Variants in RUBCNL observed in about 807,000 individuals in gnomAD.
RUBCNL encodes the protein rubicon like autophagy enhancer.
In RUBCNL, 62 loss-of-function variants were observed where a neutral mutation model predicts 69.5. That is an observed-to-expected ratio of 0.89 (90% CI 0.73 to 1.10). The LOEUF (loss-of-function observed/expected upper bound fraction) is 1.10. Ranked by LOEUF, RUBCNL falls within the 50% of genes least tolerant of loss-of-function variation. RUBCNL has a pLI of 0.00. For synonymous variants in RUBCNL, 291 were observed against 303.6 expected, an observed-to-expected ratio of 0.96 and a Z score of 0.43; for missense variants, 768 against 798.1, an observed-to-expected ratio of 0.96 and a Z score of 0.45.
At position 46,359,586 on chromosome 13, in the gene RUBCNL, T is replaced by G. The variant is rs757617902; in HGVS notation, c.1165A>C (p.Asn389His). Residue 389 changes from asparagine to histidine, a missense_variant, in exon 9 of 15, where the codon AAT (asparagine) becomes CAT (histidine). Physicochemically the swap from Asn to His is moderately conservative, Grantham distance 68 (BLOSUM62 1). Transcript: ENST00000429979. ...TTAAATTTAATTTCCTGTACTACAT[T>G]CATACTGGATTCAAAGTCTTTTCGG... is the stretch of plus-strand genomic sequence containing the variant. ...CVRKDFESSM[N>H]VVQEIKFKSR... 1.9e-6 allele frequency: 3 copies of G among 1,592,710 alleles called. No homozygotes were observed. The highest frequency in any genetic ancestry group is 2.7e-5 in the African/African-American group (2 of 74,658).
chr13:46,336,106 G>T lies in RUBCNL; in HGVS notation c.*7279C>A, dbSNP rs2048103598. Among the ~76,000 whole-genome samples, 1 of 152,218 alleles carries T rather than the reference G, an allele frequency of 6.6e-6. No homozygotes were observed. Among genetic ancestry groups the T allele is most frequent in the Non-Finnish European group, 1.5e-5 (1 of 68,048 alleles). On this transcript the variant is annotated 3_prime_UTR_variant, in exon 15 of 15. Coordinates refer to ENST00000429979, the MANE Select transcript of RUBCNL (RefSeq NM_025113.5). Reference sequence around the variant, plus strand: ...AATCACAAATGTCATGATGTTTCCGGGTTCCAAAGCTTCCAGGAGGAAGGT... The same window carrying T: ...AATCACAAATGTCATGATGTTTCCGTGTTCCAAAGCTTCCAGGAGGAAGGT...
At chr13:46,345,367 A>C in intron 13 of RUBCNL, 80 bp downstream of exon 13, 1 of 1,476,740 alleles carries the variant, frequency 6.8e-7, no homozygotes. Flanking sequence ...GGTTTGTGAG[A>C]GTTAAATGAA....
chr13:46,356,673 G>A (rs1289650765), intron 9 of RUBCNL, among the ~76,000 whole-genome samples, 177 bp from the exon 10 acceptor site: 7 of 151,896 alleles, frequency 4.6e-5, no homozygotes, highest in Non-Finnish European at 1.0e-4. Flanking sequence ...GAAATCCCTG[G>A]GTCTTTTAAA....
rs999064068 is a variant in RUBCNL at position 46,336,338 on chromosome 13, G to C, written c.*7047C>G. Among the ~76,000 whole-genome samples, 4 of 152,168 alleles carry C rather than the reference G, an allele frequency of 2.6e-5. No homozygotes were observed. Among genetic ancestry groups the C allele is most frequent in the Non-Finnish European group, 5.9e-5 (4 of 68,040 alleles). On this transcript the variant is annotated 3_prime_UTR_variant, in exon 15 of 15. Coordinates refer to ENST00000429979, the MANE Select transcript of RUBCNL (RefSeq NM_025113.5). ...TTCTCCACTGTGGGCATGGACAGTAGAAATGCAACCATTACTCTTAAAAGT... is the reference window on the plus strand; with the variant it reads ...TTCTCCACTGTGGGCATGGACAGTACAAATGCAACCATTACTCTTAAAAGT...
chr13:46,338,830 G>C lies in RUBCNL; in HGVS notation c.*4555C>G, dbSNP rs2048121241. Among the ~76,000 whole-genome samples, 1 of 152,052 alleles carries C rather than the reference G, an allele frequency of 6.6e-6. No homozygotes were observed. The highest frequency in any genetic ancestry group is 1.5e-5 in the Non-Finnish European group (1 of 68,004). ...CAAGCACTTTGGGAGGCCGAGGCGG[G>C]TAGATCACTTCTGAGACCAGCCTGG... On this transcript the variant is annotated 3_prime_UTR_variant, in exon 15 of 15. Coordinates refer to ENST00000429979, the MANE Select transcript of RUBCNL (RefSeq NM_025113.5).
intron 8 of RUBCNL, among the ~76,000 whole-genome samples, chr13:46,360,635 G>T (rs2048589983): frequency 6.6e-6 from 1 of 152,200 alleles, no homozygotes; most frequent in South Asian, 2.1e-4. Flanking sequence ...TCTGCAGTCA[G>T]CCTTCCTAAG....
At position 46,337,107 on chromosome 13, in the gene RUBCNL, C is replaced by T. The variant is rs559653966; in HGVS notation, c.*6278G>A. Among the ~76,000 whole-genome samples, 123 of 150,910 alleles carry T rather than the reference C, an allele frequency of 8.2e-4. No homozygotes were observed. Among genetic ancestry groups the T allele is most frequent in the Admixed American group, 1.3e-3 (19 of 15,144 alleles). On this transcript the variant is annotated 3_prime_UTR_variant, in exon 15 of 15. Coordinates refer to ENST00000429979, the MANE Select transcript of RUBCNL (RefSeq NM_025113.5). ...ATTAGTGCCCTTGTAAAACAGACCC[C>T]AGGGGGTTCTCTCTCTCTCTCTTTT...
At chr13:46,373,361 T>C (rs1017871828) in intron 2 of RUBCNL, among the ~76,000 whole-genome samples, 1 of 152,238 alleles carries the variant, frequency 6.6e-6, no homozygotes, top group African/African-American at 2.4e-5. Context: ...GGATGATCCA[T>C]AGCACTGAAG....
In RUBCNL at chr13:46,345,748, C is replaced by T. The variant is rs2048233730; in HGVS notation, c.1632-148G>A. The T allele has an allele frequency of 3.9e-5, 30 of 774,540 alleles. No homozygotes were observed. In the South Asian group the frequency reaches 5.7e-4, roughly 15 times the overall value. 48.0% of individuals were successfully genotyped at this position (774,540 alleles called of 1,614,324 possible). A position where few individuals can be genotyped will look rare whatever the true frequency, so the allele number is the denominator to read the frequency against. ...AAATAGCTCCAAGAACAACAGTGAA[C>T]CATGCTCGCCACCATTCTACATGTT... On this transcript the variant is annotated intron_variant, in intron 12 of 14. Coordinates refer to ENST00000429979, the MANE Select transcript of RUBCNL (RefSeq NM_025113.5).
At chr13:46,377,645 A>G (rs967101313) in intron 2 of RUBCNL, among the ~76,000 whole-genome samples, 1 of 152,220 alleles carries the variant, frequency 6.6e-6, no homozygotes, top group Non-Finnish European at 1.5e-5. Flanking sequence ...ACATGGACTG[A>G]CCTAAGTGAA....
In RUBCNL at chr13:46,349,777, A is replaced by G. The variant is rs1354074165; in HGVS notation, c.1569+336T>C. 5.9e-5 allele frequency among the ~76,000 whole-genome samples: 9 copies of G among 151,856 alleles called. 1 individual carries two copies. Among genetic ancestry groups the G allele is most frequent in the Admixed American group, 5.9e-4 (9 of 15,250 alleles). The stretch of plus-strand genomic sequence containing the variant: ...CTGCAACCTCCACCTCCCGGGTTCA[A>G]GCGATTCTCCTGCCTCAGCCTCTCG... On this transcript the variant is annotated intron_variant, in intron 11 of 14. Transcript: ENST00000429979.
chr13:46,355,213 C>T (rs2048458179), intron 10 of RUBCNL, among the ~76,000 whole-genome samples: 1 of 151,862 alleles, frequency 6.6e-6, no homozygotes, highest in South Asian at 2.1e-4. Flanking sequence ...GCAGGTCAGA[C>T]ATACAGGTAC....
intron 12 of RUBCNL, among the ~76,000 whole-genome samples, chr13:46,346,810 C>T (rs896431321): frequency 6.6e-6 from 1 of 152,202 alleles, no homozygotes; most frequent in Non-Finnish European, 1.5e-5. Flanking sequence ...TATAATTCCA[C>T]CAAGTACAAT....
chr13:46,362,719 T>C, intron 6 of RUBCNL, 121 bp from the exon 7 acceptor site: 1 of 655,982 alleles, frequency 1.5e-6, no homozygotes, highest in Non-Finnish European at 2.7e-6. Flanking sequence ...TTATTCAGCA[T>C]CTCCATGCTT....
chr13:46,344,747 A>G lies in RUBCNL; in HGVS notation c.1870T>C (p.Cys624Arg), dbSNP rs2048208261. 1 of 1,602,658 alleles carries G rather than the reference A, an allele frequency of 6.2e-7. No individual in the cohort carries two copies. Among genetic ancestry groups the G allele is most frequent in the Non-Finnish European group, 8.5e-7 (1 of 1,172,034 alleles). The change falls in exon 14 of 15, where the codon TGT becomes CGT. Residue 624 changes from cysteine to arginine, a missense_variant. Coordinates refer to ENST00000429979, the MANE Select transcript of RUBCNL (RefSeq NM_025113.5). ...TTATTAAGTTATTAAATACCTGAAC[A>G]TCTTCTACATGTTGCTGTCTGAAAT... Reference protein sequence around the residue: ...FPFQTATCRRCSACRACFHKQ... With the variant: ...FPFQTATCRRRSACRACFHKQ...
rs2048109777 is a variant in RUBCNL, at chr13:46,337,136, T to C, written c.*6249A>G. Reference sequence around the variant, plus strand: ...GGGTTCTCTCTCTCTCTCTTTTCCTTTTTCTTTTTTTGGGGGCAGGGAGGG... The same window carrying C: ...GGGTTCTCTCTCTCTCTCTTTTCCTCTTTCTTTTTTTGGGGGCAGGGAGGG... On this transcript the variant is annotated 3_prime_UTR_variant, in exon 15 of 15. Coordinates refer to ENST00000429979, the MANE Select transcript of RUBCNL (RefSeq NM_025113.5). Among the ~76,000 whole-genome samples, 1 of 151,308 alleles carries C rather than the reference T, an allele frequency of 6.6e-6. No individual in the cohort carries two copies. Among genetic ancestry groups the C allele is most frequent in the African/African-American group, 2.4e-5 (1 of 41,078 alleles).
chr13:46,382,222 C>A (rs1006189825), intron 1 of RUBCNL, among the ~76,000 whole-genome samples: 1 of 152,028 alleles, frequency 6.6e-6, no homozygotes, highest in Non-Finnish European at 1.5e-5. Flanking sequence ...AGATCTAGAA[C>A]TAAAGGGAGC....
rs1566532977 is a variant in RUBCNL at position 46,335,251 on chromosome 13, G to GT, written c.*8133dup. Among the ~76,000 whole-genome samples the GT allele has an allele frequency of 2.0e-4, 21 of 103,380 alleles. No homozygotes were observed. The highest frequency in any genetic ancestry group is 8.0e-4 in the African/African-American group (20 of 24,996). 67.8% of individuals were successfully genotyped at this position (103,380 alleles called of 152,430 possible). ...AGCTAATTTGTGTCTTTTTGTTGTT[G>GT]TTGTTGTTGTTTTTTTTTTTTTTTT... On this transcript the variant is annotated 3_prime_UTR_variant, in exon 15 of 15. Transcript: ENST00000429979.
chr13:46,357,035 C>T (rs909936039), intron 9 of RUBCNL, among the ~76,000 whole-genome samples: 5 of 148,038 alleles, frequency 3.4e-5, no homozygotes, highest in Non-Finnish European at 7.5e-5. Flanking sequence ...AGCCTTAAAG[C>T]TACATCTCTT....
Sources: gnomAD v4.1 joint callset for allele counts (sites outside exome capture counted in the v4.1 genomes callset) on GRCh38, gnomAD v4.1.1 for gene constraint, MANE v1.5 for transcripts, NCBI Gene and HGNC (gene_info 2026-07-23, HGNC 2026-07-21) for gene names.